The following CHRNA1 variants were observed in gnomAD, a reference collection of about 807,000 sequenced individuals.
The protein encoded by CHRNA1 is cholinergic receptor nicotinic alpha 1 subunit.
CHRNA1 carries 35 observed loss-of-function variants against 47.1 expected under a neutral mutation model. The observed-to-expected ratio is 0.74, with a 90% CI of 0.57 to 0.99. The LOEUF (loss-of-function observed/expected upper bound fraction) is 0.99, where lower values mean the gene tolerates loss of function less well. Ranked by LOEUF, CHRNA1 falls within the 50% of genes least tolerant of loss-of-function variation. The probability of loss-of-function intolerance (pLI) is 0.00; values close to 1 mark genes in which losing one functional copy is unlikely to be tolerated. For synonymous variants in CHRNA1, 229 were observed against 223.6 expected (o/e 1.02, Z -0.22); for missense variants, 506 against 591.1 (o/e 0.86, Z 1.49).
intron 1 of CHRNA1, among the ~76,000 whole-genome samples, chr2:174,763,539 C>T (rs970171739): frequency 1.3e-5 from 2 of 152,196 alleles, no homozygotes; most frequent in Admixed American, 1.3e-4. Context: ...ATGTCAGCCA[C>T]CTTGTTTCTC....
Position 174,747,935 on chromosome 2 carries a change from A to G in CHRNA1, c.*189T>C. 1 of 688,186 alleles carries G rather than the reference A, an allele frequency of 1.5e-6. No homozygotes were observed. The highest frequency in any genetic ancestry group is 2.5e-6 in the Non-Finnish European group (1 of 404,072). The allele number at this position is 688,186 out of a possible 1,614,324, so 42.6% of individuals were successfully genotyped here. A position where few individuals can be genotyped will look rare whatever the true frequency, so the allele number is the denominator to read the frequency against. On this transcript the variant is annotated 3_prime_UTR_variant, in exon 9 of 9. Coordinates refer to ENST00000348749, the MANE Select transcript of CHRNA1 (RefSeq NM_000079.4). ...ACTCTTCAGGGAGACAGCAGAACTA[A>G]AGGGAGAAGCAATATGAAAACACTT... is the stretch of plus-strand genomic sequence containing the variant.
chr2:174,751,631 T>A (rs1002666279), intron 6 of CHRNA1, among the ~76,000 whole-genome samples: 3 of 152,024 alleles, frequency 2.0e-5, no homozygotes, highest in Non-Finnish European at 4.4e-5. Context: ...CAAGCATAAT[T>A]TTTGTGCTAA....
chr2:174,755,555 A>T (rs1683964706), intron 4 of CHRNA1, among the ~76,000 whole-genome samples: 1 of 151,338 alleles, frequency 6.6e-6, no homozygotes, highest in South Asian at 2.1e-4. Flanking sequence ...AGTAGCTGGG[A>T]CTACAGGCGC....
At chr2:174,763,961 G>T (rs1044620184) in intron 1 of CHRNA1, among the ~76,000 whole-genome samples, 5 of 152,082 alleles carry the variant, frequency 3.3e-5, no homozygotes, top group Admixed American at 2.0e-4. Flanking sequence ...CATTGTATGT[G>T]ATTATAAGGC....
rs1465192410 is a variant in CHRNA1 at position 174,757,802 on chromosome 2, G to A, written c.235-127C>T. On this transcript the variant is annotated intron_variant, in intron 3 of 8. Coordinates refer to ENST00000348749, the MANE Select transcript of CHRNA1 (RefSeq NM_000079.4). The stretch of plus-strand genomic sequence containing the variant: ...AATTGTGCTTCCATAAGAAAAGTTG[G>A]ATTCAGAATTTAGCTTTCACTTCAG... 3.9e-6 allele frequency: 4 copies of A among 1,027,448 alleles called. No homozygotes were observed. In the African/African-American group the frequency reaches 6.4e-5, roughly 16 times the overall value. 63.6% of individuals were successfully genotyped at this position (1,027,448 alleles called of 1,614,324 possible).
In CHRNA1 at chr2:174,751,264, G is replaced by A. The variant is rs141111481; in HGVS notation, c.779-1095C>T. On this transcript the variant is annotated intron_variant, in intron 6 of 8. Transcript: ENST00000348749. ...CTTGGCAGCAGGAAGGTCAGGGGCC[G>A]AATGGCACTGAGGTAGTTTTGTGAG... is the stretch of plus-strand genomic sequence containing the variant. Among the ~76,000 whole-genome samples the A allele has an allele frequency of 2.2e-3, 336 of 152,296 alleles. 4 individuals are homozygous for A. Among genetic ancestry groups the A allele is most frequent in the African/African-American group, 6.7e-3 (279 of 41,562 alleles).
At chr2:174,753,362 A>G (rs1683896022) in intron 6 of CHRNA1, 141 bp downstream of exon 6, 1 of 886,368 alleles carries the variant, frequency 1.1e-6, no homozygotes, top group African/African-American at 1.6e-5. Flanking sequence ...GCGCACGCCC[A>G]CTCAGCAAAT....
intron 6 of CHRNA1, among the ~76,000 whole-genome samples, chr2:174,751,308 C>A (rs752799025): frequency 1.9e-4 from 29 of 150,002 alleles, no homozygotes; most frequent in Non-Finnish European, 6.0e-5. Context: ...ACCTTAGGTG[C>A]AGCAGAGAAG....
rs377079076 is a variant in CHRNA1, at chr2:174,757,512, A to G, written c.344+54T>C. ...GAGCGCGCAGCCCTTCTATTAGGGC[A>G]CTTTATTCCACCTGCCCCAGGAGCA... On this transcript the variant is annotated intron_variant, in intron 4 of 8. Transcript: ENST00000348749. 3.2e-5 allele frequency: 42 copies of G among 1,298,640 alleles called. No homozygotes were observed. The Middle Eastern group carries it at 1.1e-3, about 34-fold the overall frequency. The allele number at this position is 1,298,640 out of a possible 1,614,324, so 80.4% of individuals were successfully genotyped here.
chr2:174,747,994 T>C lies in CHRNA1; in HGVS notation c.*130A>G, dbSNP rs1683764773. 1 of 1,182,500 alleles carries C rather than the reference T, an allele frequency of 8.5e-7. No homozygotes were observed. The highest frequency in any genetic ancestry group is 1.2e-6 in the Non-Finnish European group (1 of 821,188). 73.3% of individuals were successfully genotyped at this position (1,182,500 alleles called of 1,614,324 possible). On this transcript the variant is annotated 3_prime_UTR_variant, in exon 9 of 9. Coordinates refer to ENST00000348749, the MANE Select transcript of CHRNA1 (RefSeq NM_000079.4). The stretch of plus-strand genomic sequence containing the variant: ...TAAACTTACATAAAGGTAAATCTTA[T>C]CATCAATAATAAGTATGGAATATAA...
intron 1 of CHRNA1, among the ~76,000 whole-genome samples, chr2:174,761,461 C>T (rs35287001): frequency 2.4e-4 from 37 of 152,082 alleles, no homozygotes; most frequent in Non-Finnish European, 4.3e-4. Flanking sequence ...TACCTGGGTG[C>T]GCACCACCAC....
chr2:174,750,046 G>A lies in CHRNA1; in HGVS notation c.902C>T (p.Thr301Ile). 1 of 1,614,134 alleles carries A rather than the reference G, an allele frequency of 6.2e-7. No individual in the cohort carries two copies. The highest frequency in any genetic ancestry group is 1.1e-5 in the South Asian group (1 of 91,082). Reference sequence around the variant, plus strand: ...GATGGAGGCAATGACGAACACCATGGTGAACAGCATGTATTTTCCAATCAA... The same window carrying A: ...GATGGAGGCAATGACGAACACCATGATGAACAGCATGTATTTTCCAATCAA... ...VPLIGKYMLF[T>I]MVFVIASIII... Residue 301 changes from threonine to isoleucine, a missense_variant, in exon 7 of 9, where the codon ACC (threonine) becomes ATC (isoleucine). Transcript: ENST00000348749.
intron 1 of CHRNA1, among the ~76,000 whole-genome samples, chr2:174,761,293 CCAG>C (rs1684095356): frequency 6.6e-6 from 1 of 152,100 alleles, no homozygotes; most frequent in African/African-American, 2.4e-5. Context: ...ATTCACGTAA[CCAG>C]ATCTCCCCTT....
intron 1 of CHRNA1, among the ~76,000 whole-genome samples, chr2:174,762,907 T>C (rs1684124173): frequency 6.6e-6 from 1 of 152,216 alleles, no homozygotes; most frequent in South Asian, 2.1e-4. Context: ...CTGTTACTAG[T>C]CCCATGGATC....
chr2:174,758,074 G>C, intron 3 of CHRNA1: 1 of 1,613,114 alleles, frequency 6.2e-7, no homozygotes, highest in Non-Finnish European at 8.5e-7. Flanking sequence ...TTCTCAAGCA[G>C]GCAACATCAT....
Position 174,759,704 on chromosome 2 carries a change from C to G in CHRNA1, c.44-71G>C. The G allele has an allele frequency of 3.1e-6, 5 of 1,587,334 alleles. No individual in the cohort carries two copies. In the East Asian group the frequency reaches 1.1e-4, roughly 36 times the overall value. On this transcript the variant is annotated intron_variant, in intron 1 of 8. Transcript: ENST00000348749. ...CCTCCAAACACATGAACATGAGGAA[C>G]TGAGGAACTGAGGCATAAGCCTCAG...
intron 4 of CHRNA1, 114 bp downstream of exon 4, chr2:174,757,452 G>T: frequency 3.0e-6 from 2 of 667,340 alleles, no homozygotes; most frequent in Non-Finnish European, 5.0e-6. Flanking sequence ...CACCATCCTG[G>T]GTGATTTAAC....
In CHRNA1 at chr2:174,747,973, C is replaced by A. The variant is rs1048365907; in HGVS notation, c.*151G>T. The A allele has an allele frequency of 9.7e-6, 10 of 1,035,022 alleles. No individual in the cohort carries two copies. In the Admixed American group the frequency reaches 1.4e-4, roughly 15 times the overall value. The allele number at this position is 1,035,022 out of a possible 1,614,324, so 64.1% of individuals were successfully genotyped here. A position where few individuals can be genotyped will look rare whatever the true frequency, so the allele number is the denominator to read the frequency against. ...TATGAAAACACTTCAAGGCCATAAA[C>A]TTACATAAAGGTAAATCTTATCATC... is the stretch of plus-strand genomic sequence containing the variant. On this transcript the variant is annotated 3_prime_UTR_variant, in exon 9 of 9. Transcript: ENST00000348749.
At chr2:174,755,575 C>A (rs545227703) in intron 4 of CHRNA1, among the ~76,000 whole-genome samples, 2 of 151,928 alleles carry the variant, frequency 1.3e-5, no homozygotes, top group African/African-American at 4.8e-5. Flanking sequence ...CCCACCACCA[C>A]GCCCAGCTAA....
Sources: gnomAD v4.1 joint callset for allele counts (sites outside exome capture counted in the v4.1 genomes callset) on GRCh38, gnomAD v4.1.1 for gene constraint, MANE v1.5 for transcripts, NCBI Gene and HGNC (gene_info 2026-07-23, HGNC 2026-07-21) for gene names.